The following NPHS1 variants were observed in gnomAD, a reference collection of about 807,000 sequenced individuals.
The protein encoded by NPHS1 is NPHS1 adhesion molecule, nephrin, also known as nephrin.
Under a neutral mutation model 139.7 loss-of-function variants are expected in NPHS1, and 107 were observed. That is an observed-to-expected ratio of 0.77 (90% CI 0.66 to 0.90). The LOEUF (loss-of-function observed/expected upper bound fraction) is 0.90, where lower values mean the gene tolerates loss of function less well. Among genes scored for constraint, NPHS1 ranks in the 40% least tolerant of loss-of-function variants. The pLI, the probability that NPHS1 is intolerant of heterozygous loss-of-function variation, is 0.00. For synonymous variants in NPHS1, 707 were observed against 706.6 expected (o/e 1.00, Z -0.01); for missense variants, 1,580 against 1,654.2 (o/e 0.96, Z 0.78).
rs757169332 is a variant in NPHS1, at chr19:35,839,255, G to T, written c.3091C>A (p.Leu1031Ile). 6.2e-7 allele frequency: 1 copy of T among 1,614,066 alleles called. No homozygotes were observed. Among genetic ancestry groups the T allele is most frequent in the Non-Finnish European group, 8.5e-7 (1 of 1,180,028 alleles). The part of the protein sequence containing the change: ...DSGLADKGTQ[L>I]PITTPGLHQP... ...TTCCCACCTGGGGTAGTGATGGGAA[G>T]CTGGGTCCCTTTGTCAGCCAGTCCA... is the stretch of plus-strand genomic sequence containing the variant. Residue 1031 changes from leucine (L) to isoleucine (I), a missense_variant, in exon 22 of 29, where the codon CTT (leucine) becomes ATT (isoleucine). Physicochemically the swap from Leu to Ile is conservative, Grantham distance 5. Transcript: ENST00000378910.
Position 35,845,724 on chromosome 19 carries a change from C to T in NPHS1, c.1702G>A (p.Val568Ile). ...RPGDALNLTC[V>I]SVSSNPPVNL... Reference sequence around the variant, plus strand: ...ACCGGCGGATTGCTGCTGACGCTGACGCATGTCAAGTTTAAGGCGTCTCCC... The same window carrying T: ...ACCGGCGGATTGCTGCTGACGCTGATGCATGTCAAGTTTAAGGCGTCTCCC... Residue 568 changes from valine (V) to isoleucine (I), a missense_variant, in exon 13 of 29, where the codon GTC becomes ATC. Transcript: ENST00000378910. The surrounding 1 kb of genome is among the most constrained non-coding windows in gnomAD (Gnocchi z 5.5). 1 of 1,614,104 alleles carries T rather than the reference C, an allele frequency of 6.2e-7. No individual in the cohort carries two copies. The highest frequency in any genetic ancestry group is 8.5e-7 in the Non-Finnish European group (1 of 1,179,976).
chr19:35,825,452 G>T lies in NPHS1; in HGVS notation c.*1062C>A, dbSNP rs1451742448. Among the ~76,000 whole-genome samples the T allele has an allele frequency of 6.6e-6, 1 of 152,074 alleles. No homozygotes were observed. Among genetic ancestry groups the T allele is most frequent in the Non-Finnish European group, 1.5e-5 (1 of 67,998 alleles). ...CCATCTTAAGTGTAAAGTTCAATGA[G>T]TTTTGACAAATCTGTGCACCCGTGC... On this transcript the variant is annotated 3_prime_UTR_variant, in exon 29 of 29. Transcript: ENST00000378910.
rs1200026102 is a variant in NPHS1, at chr19:35,846,118, C to T, written c.1517G>A (p.Gly506Glu). ...RVHLGSVEKS[G>E]STFSRELVLV... ...CACCAGCTCTCGGGAGAAGGTGCTC[C>T]CAGATTTCTCCACGCTGCCGAGATG... Residue 506 changes from glycine (G) to glutamate (E), a missense_variant, in exon 12 of 29, where the codon GGG becomes GAG. Gly to Glu is a moderately conservative substitution (Grantham distance 98). Coordinates refer to ENST00000378910, the MANE Select transcript of NPHS1 (RefSeq NM_004646.4). 6.3e-7 allele frequency: 1 copy of T among 1,597,336 alleles called. No homozygotes were observed. Among genetic ancestry groups the T allele is most frequent in the East Asian group, 2.3e-5 (1 of 43,936 alleles).
chr19:35,840,751 C>T (rs999593218), intron 20 of NPHS1, among the ~76,000 whole-genome samples: 5 of 148,338 alleles, frequency 3.4e-5, no homozygotes, highest in East Asian at 4.0e-4. Context: ...TGCGGTGGCG[C>T]GAACTCAGCT....
chr19:35,843,342 A>C (rs1973087493), intron 17 of NPHS1, 130 bp downstream of exon 17: 1 of 1,171,812 alleles, frequency 8.5e-7, no homozygotes, highest in South Asian at 1.3e-5. Context: ...TCATTCTGGG[A>C]GCATGCCCTG....
chr19:35,849,520 G>A (rs1382896564), intron 6 of NPHS1, 30 bp downstream of exon 6: 1 of 1,601,796 alleles, frequency 6.2e-7, no homozygotes, highest in East Asian at 2.2e-5. Context: ...CCCATCCTCA[G>A]CGCCCTAGTT....
In NPHS1 at chr19:35,839,263, C is replaced by T. The variant is rs749907934; in HGVS notation, c.3083G>A (p.Gly1028Glu). 6.2e-7 allele frequency: 1 copy of T among 1,614,166 alleles called. No individual in the cohort carries two copies. The highest frequency in any genetic ancestry group is 1.7e-5 in the Admixed American group (1 of 60,010). Residue 1028 changes from glycine to glutamate, a missense_variant, in exon 22 of 29, where the codon GGG (glycine) becomes GAG (glutamate). Transcript: ENST00000378910. Reference protein sequence around the residue: ...ALGDSGLADKGTQLPITTPGL... With the variant: ...ALGDSGLADKETQLPITTPGL... ...TGGGGTAGTGATGGGAAGCTGGGTC[C>T]CTTTGTCAGCCAGTCCACTGTCCCC...
intron 25 of NPHS1, 25 bp from the exon 26 acceptor site, chr19:35,831,396 A>T (rs1239302442): frequency 1.9e-6 from 3 of 1,611,386 alleles, no homozygotes; most frequent in East Asian, 2.2e-5. Context: ...GTGTGGGGGG[A>T]AGTTGAGTGC....
At position 35,838,005 on chromosome 19, in the gene NPHS1, A is replaced by G. The variant is rs531699014; in HGVS notation, c.3109+1232T>C. Among the ~76,000 whole-genome samples, 282 of 151,032 alleles carry G rather than the reference A, an allele frequency of 1.9e-3. 2 individuals are homozygous for G. The highest frequency in any genetic ancestry group is 6.8e-3 in the Middle Eastern group (2 of 292). On this transcript the variant is annotated intron_variant, in intron 22 of 28. Coordinates refer to ENST00000378910, the MANE Select transcript of NPHS1 (RefSeq NM_004646.4). ...GGTGGCTCACACCTGTAATCCCAAC[A>G]CTTTGGGAGACCGAAGCTGGTGGAT...
intron 28 of NPHS1, among the ~76,000 whole-genome samples, chr19:35,829,105 T>C (rs1243388126): frequency 1.3e-5 from 2 of 152,216 alleles, no homozygotes; most frequent in African/African-American, 4.8e-5. Context: ...CATCCTCATT[T>C]CCCTGTGAGC....
At chr19:35,841,942 C>G in intron 19 of NPHS1, 76 bp from the exon 20 acceptor site, 1 of 1,487,902 alleles carries the variant, frequency 6.7e-7, no homozygotes, top group Non-Finnish European at 9.2e-7. Flanking sequence ...ATGCATCCAT[C>G]CATTAATGTA....
intron 20 of NPHS1, among the ~76,000 whole-genome samples, chr19:35,840,327 T>G (rs1291267744): frequency 6.7e-6 from 1 of 149,934 alleles, no homozygotes; most frequent in African/African-American, 2.5e-5. Flanking sequence ...TTTTCTTTTT[T>G]TTTTCTTTTC....
At position 35,845,273 on chromosome 19, in the gene NPHS1, G is replaced by T; in HGVS notation, c.1930+95C>A. The T allele has an allele frequency of 7.3e-7, 1 of 1,371,392 alleles. No homozygotes were observed. The highest frequency in any genetic ancestry group is 1.0e-6 in the Non-Finnish European group (1 of 970,002). 85.0% of individuals were successfully genotyped at this position (1,371,392 alleles called of 1,614,324 possible). A position where few individuals can be genotyped will look rare whatever the true frequency, so the allele number is the denominator to read the frequency against. On this transcript the variant is annotated intron_variant, in intron 14 of 28. Coordinates refer to ENST00000378910, the MANE Select transcript of NPHS1 (RefSeq NM_004646.4). This position sits in a 1 kb window ranked among gnomAD's most constrained non-coding sequence, Gnocchi z 5.5. Reference sequence around the variant, plus strand: ...CGACAAAAAATGAAAGAGAGAGAGAGAGAGAAGAGAAAAAGAAGGAAAAAA... The same window carrying T: ...CGACAAAAAATGAAAGAGAGAGAGATAGAGAAGAGAAAAAGAAGGAAAAAA...
intron 20 of NPHS1, among the ~76,000 whole-genome samples, chr19:35,840,630 G>A (rs1599840736): frequency 6.6e-6 from 1 of 151,796 alleles, no homozygotes; most frequent in South Asian, 2.1e-4. Context: ...CACTGCACCC[G>A]GCAGTTAGGT....
rs1972790629 is a variant in NPHS1, at chr19:35,825,552, C to T, written c.*962G>A. Among the ~76,000 whole-genome samples the T allele has an allele frequency of 6.6e-6, 1 of 151,670 alleles. No individual in the cohort carries two copies. Among genetic ancestry groups the T allele is most frequent in the South Asian group, 2.1e-4 (1 of 4,794 alleles). ...TCTCCCATGCCTTTTTGCAGTCAAC[C>T]CTCCTCTCATGGCCCCAGGAAACCT... is the stretch of plus-strand genomic sequence containing the variant. On this transcript the variant is annotated 3_prime_UTR_variant, in exon 29 of 29. Transcript: ENST00000378910.
intron 11 of NPHS1, 96 bp from the exon 12 acceptor site, chr19:35,846,290 CCAAA>C (rs1423667671): frequency 5.4e-6 from 7 of 1,286,526 alleles, no homozygotes; most frequent in Non-Finnish European, 7.6e-6. Context: ...TGCCGCCAGC[CCAAA>C]CAAAGCCTTT....
chr19:35,836,607 G>C (rs1345157217), intron 22 of NPHS1, among the ~76,000 whole-genome samples: 2 of 152,092 alleles, frequency 1.3e-5, no homozygotes, highest in Non-Finnish European at 2.9e-5. Context: ...CTGGAGTGGG[G>C]TGGGGGGAAG....
chr19:35,829,713 A>AT (rs767611537), intron 28 of NPHS1, among the ~76,000 whole-genome samples: 5 of 151,828 alleles, frequency 3.3e-5, no homozygotes, highest in African/African-American at 4.8e-5. Context: ...TAATTTTTGC[A>AT]TTTTTTGTAG....
At position 35,826,406 on chromosome 19, in the gene NPHS1, C is replaced by T. The variant is rs1972800995; in HGVS notation, c.*108G>A. ...CATGTCCTCTCCTGACACCAAGTCC[C>T]TTTGGGTTTTATGGAGCTCACCTAA... On this transcript the variant is annotated 3_prime_UTR_variant, in exon 29 of 29. Transcript: ENST00000378910. 7.4e-7 allele frequency: 1 copy of T among 1,351,108 alleles called. No homozygotes were observed. Among genetic ancestry groups the T allele is most frequent in the Admixed American group, 1.7e-5 (1 of 58,522 alleles). 83.7% of individuals were successfully genotyped at this position (1,351,108 alleles called of 1,614,324 possible).
Sources: gnomAD v4.1 joint callset for allele counts (sites outside exome capture counted in the v4.1 genomes callset) on GRCh38, gnomAD v4.1.1 for gene constraint, Gnocchi (gnomAD v3.1) non-coding constraint, MANE v1.5 for transcripts, NCBI Gene and HGNC (gene_info 2026-07-23, HGNC 2026-07-21) for gene names.